The following FSTL5 variants were observed in gnomAD, a reference collection of about 807,000 sequenced individuals.
The protein encoded by FSTL5 is follistatin-related protein 5.
A neutral mutation model predicts 89.1 loss-of-function variants in FSTL5; 62 were observed. That is an observed-to-expected ratio of 0.70 (90% CI 0.57 to 0.86). The LOEUF (loss-of-function observed/expected upper bound fraction) is 0.86, where lower values mean the gene tolerates loss of function less well. Among genes scored for constraint, FSTL5 ranks in the 40% least tolerant of loss-of-function variants. The probability of loss-of-function intolerance (pLI) is 0.00; values close to 1 mark genes in which losing one functional copy is unlikely to be tolerated. For missense variants in FSTL5, 1,057 were observed against 1,001.6 expected, an observed-to-expected ratio of 1.06 and a Z score of -0.75; for synonymous variants, 383 against 346.2, an observed-to-expected ratio of 1.11 and a Z score of -1.18.
intron 4 of FSTL5, among the ~76,000 whole-genome samples, chr4:161,909,990 C>A (rs1733645199): frequency 6.6e-6 from 1 of 152,086 alleles, no homozygotes; most frequent in South Asian, 2.1e-4. Flanking sequence ...AATAAAAAAT[C>A]TCTAATGAGC....
At chr4:162,103,237 T>C (rs1056121573) in intron 2 of FSTL5, among the ~76,000 whole-genome samples, 28 of 152,192 alleles carry the variant, frequency 1.8e-4, no homozygotes, top group African/African-American at 6.5e-4. Context: ...ATAAAGTTTT[T>C]TTGAAGGAAT....
chr4:161,879,221 T>C (rs966377406), intron 4 of FSTL5, among the ~76,000 whole-genome samples: 8 of 152,174 alleles, frequency 5.3e-5, no homozygotes, highest in Non-Finnish European at 1.2e-4. Context: ...TTTCAAATTA[T>C]ATCCATAATC....
At chr4:161,882,214 TAC>T (rs1316117013) in intron 4 of FSTL5, among the ~76,000 whole-genome samples, 1 of 152,108 alleles carries the variant, frequency 6.6e-6, no homozygotes, top group Non-Finnish European at 1.5e-5. Context: ...CTGTGAGCAC[TAC>T]AGTGTAACAT....
Position 161,779,782 on chromosome 4 carries a change from T to TAC in FSTL5, c.410-3709_410-3708insGT, listed in dbSNP as rs1741569455. ...AGTTATATATATATATATGTATATA[T>TAC]ATATATATATATATATATATATATA... On this transcript the variant is annotated intron_variant, in intron 4 of 15. Coordinates refer to ENST00000306100, the MANE Select transcript of FSTL5 (RefSeq NM_020116.5). 5.1e-4 allele frequency among the ~76,000 whole-genome samples: 20 copies of TAC among 39,392 alleles called. 1 individual carries two copies. Among genetic ancestry groups the TAC allele is most frequent in the East Asian group, 3.2e-3 (4 of 1,244 alleles). 25.8% of individuals were successfully genotyped at this position (39,392 alleles called of 152,430 possible). A position where few individuals can be genotyped will look rare whatever the true frequency, so the allele number is the denominator to read the frequency against.
intron 6 of FSTL5, among the ~76,000 whole-genome samples, chr4:161,715,478 C>T (rs1204347999): frequency 6.6e-6 from 1 of 152,094 alleles, no homozygotes; most frequent in African/African-American, 2.4e-5. Flanking sequence ...GGGTGCTTTT[C>T]ATCTTCCTGA....
At chr4:161,529,873 A>G (rs1310636880) in intron 10 of FSTL5, among the ~76,000 whole-genome samples, 1 of 142,624 alleles carries the variant, frequency 7.0e-6, no homozygotes, top group African/African-American at 2.5e-5. Context: ...TATTAATCTG[A>G]TTACTGCTGC....
chr4:161,950,028 TAAA>T (rs1734847612), intron 3 of FSTL5, among the ~76,000 whole-genome samples: 1 of 152,096 alleles, frequency 6.6e-6, no homozygotes, highest in African/African-American at 2.4e-5. Context: ...ATTAATAAGA[TAAA>T]TAATATCTTC....
At chr4:161,959,498 C>G (rs541339531) in intron 3 of FSTL5, among the ~76,000 whole-genome samples, 2 of 152,140 alleles carry the variant, frequency 1.3e-5, no homozygotes, top group South Asian at 4.1e-4. Flanking sequence ...CATGTTAAAA[C>G]TGTAGAGCTC....
intron 9 of FSTL5, among the ~76,000 whole-genome samples, chr4:161,538,849 C>T (rs748872197): frequency 1.3e-5 from 2 of 152,040 alleles, no homozygotes; most frequent in East Asian, 3.9e-4. Context: ...CTGTAACCTC[C>T]GCCTCCCGGG....
chr4:161,459,167 G>T (rs760604218), intron 14 of FSTL5, 45 bp downstream of exon 14: 5 of 1,124,502 alleles, frequency 4.4e-6, no homozygotes, highest in Admixed American at 3.5e-5. Context: ...AATGTTGAAA[G>T]CTTTAAAGAT....
intron 1 of FSTL5, among the ~76,000 whole-genome samples, chr4:162,122,003 C>A (rs776438475): frequency 6.6e-6 from 1 of 151,972 alleles, no homozygotes; most frequent in African/African-American, 2.4e-5. Flanking sequence ...ATTAACATAA[C>A]ATACAAAGTA....
chr4:161,961,594 CTT>C (rs1735178671), intron 3 of FSTL5, among the ~76,000 whole-genome samples: 1 of 151,026 alleles, frequency 6.6e-6, no homozygotes, highest in African/African-American at 2.4e-5. Flanking sequence ...GAAGAGCATT[CTT>C]TCTTTATATT....
At chr4:161,901,382 T>A (rs969358330) in intron 4 of FSTL5, among the ~76,000 whole-genome samples, 1 of 152,152 alleles carries the variant, frequency 6.6e-6, no homozygotes, top group African/African-American at 2.4e-5. Context: ...TTAGTACTGA[T>A]GTATAGGAAG....
chr4:161,599,080 ATTATCT>A (rs1375267806), intron 7 of FSTL5, among the ~76,000 whole-genome samples: 1 of 152,114 alleles, frequency 6.6e-6, no homozygotes, highest in Non-Finnish European at 1.5e-5. Context: ...AAAGCAACCC[ATTATCT>A]GTAACTGATA....
At chr4:161,502,274 A>C (rs1413046512) in intron 11 of FSTL5, among the ~76,000 whole-genome samples, 1 of 151,914 alleles carries the variant, frequency 6.6e-6, no homozygotes, top group Non-Finnish European at 1.5e-5. Context: ...CACTGGTGGA[A>C]TTTGTGAGCT....
intron 6 of FSTL5, among the ~76,000 whole-genome samples, chr4:161,700,163 T>C (rs936108829): frequency 6.6e-6 from 1 of 152,192 alleles, no homozygotes; most frequent in African/African-American, 2.4e-5. Flanking sequence ...AAAATCAATA[T>C]ATCTAATGCT....
intron 4 of FSTL5, among the ~76,000 whole-genome samples, chr4:161,799,396 T>C (rs908485847): frequency 6.6e-5 from 10 of 151,678 alleles, no homozygotes; most frequent in Non-Finnish European, 1.3e-4. Flanking sequence ...TCAATTCAGT[T>C]TGAAGATATC....
intron 3 of FSTL5, among the ~76,000 whole-genome samples, chr4:161,957,389 C>T (rs907018725): frequency 2.6e-5 from 4 of 152,004 alleles, no homozygotes; most frequent in African/African-American, 7.2e-5. Context: ...ATGTCAGTCA[C>T]AAAATAAGTA....
chr4:161,914,226 T>C (rs749474735), intron 4 of FSTL5, among the ~76,000 whole-genome samples: 1 of 152,140 alleles, frequency 6.6e-6, no homozygotes, highest in Non-Finnish European at 1.5e-5. Flanking sequence ...GGAATATCCA[T>C]AAATCTATCA....
Sources: gnomAD v4.1 joint callset for allele counts (sites outside exome capture counted in the v4.1 genomes callset) on GRCh38, gnomAD v4.1.1 for gene constraint, MANE v1.5 for transcripts, NCBI Gene and HGNC (gene_info 2026-07-23, HGNC 2026-07-21) for gene names.